HNRNPL: variants seen among roughly 807,000 people sequenced by gnomAD.
HNRNPL encodes the protein epididymis secretory sperm binding protein.
In HNRNPL, 12 loss-of-function variants were observed where a neutral mutation model predicts 64.0. That is an observed-to-expected ratio of 0.19 (90% confidence interval 0.12 to 0.30). The LOEUF (loss-of-function observed/expected upper bound fraction) is 0.30. HNRNPL is among the 10% of genes least tolerant of loss of function. The pLI is 1.00. For synonymous variants in HNRNPL, 385 were observed against 313.0 expected, an observed-to-expected ratio of 1.23 and a Z score of -2.43; for missense variants, 484 against 797.4, an observed-to-expected ratio of 0.61 and a Z score of 4.73.
upstream of HNRNPL, chr19:38,850,011 A>G: frequency 1.5e-6 from 2 of 1,300,366 alleles, no homozygotes; most frequent in Non-Finnish European, 2.0e-6. Context: ...TGGGGGAGGG[A>G]CACGCCCGTC....
rs1200837796 is a variant in HNRNPL at position 38,848,480 on chromosome 19, G to A, written c.268-1046C>T. On this transcript the variant is annotated intron_variant, in intron 1 of 12. Transcript: ENST00000221419. ...CTAAGAGAAGTATCTTACACCCACC[G>A]ACAAAAGCCTCTGGTCATCAGGAGA... Among the ~76,000 whole-genome samples the A allele has an allele frequency of 3.9e-5, 6 of 152,198 alleles. No individual in the cohort carries two copies. In the East Asian group the frequency reaches 5.8e-4, roughly 15 times the overall value.
At chr19:38,845,789 TG>T in intron 3 of HNRNPL, 54 bp from the exon 4 acceptor site, 5 of 1,597,574 alleles carry the variant, frequency 3.1e-6, no homozygotes, top group Non-Finnish European at 4.3e-6. Context: ...CAGTCTGGCT[TG>T]GGGGAGGGAA....
At chr19:38,838,622 C>A in intron 9 of HNRNPL, 24 bp from the exon 10 acceptor site, 2 of 1,605,320 alleles carry the variant, frequency 1.2e-6, no homozygotes, top group Non-Finnish European at 1.7e-6. Flanking sequence ...GAAAGGGGAG[C>A]CTTTGTCATA....
At chr19:38,850,583 GA>G (rs1388152933), upstream of HNRNPL, among the ~76,000 whole-genome samples, 3 of 152,206 alleles carry the variant, frequency 2.0e-5, no homozygotes, top group Non-Finnish European at 4.4e-5. Flanking sequence ...TGCAGTATAC[GA>G]AACGAGCGAA....
rs1972068071 is a variant in HNRNPL at position 38,840,280 on chromosome 19, C to CCCA, written c.1046_1048dup (p.Val349dup). 1 of 1,578,218 alleles carries CCCA rather than the reference C, an allele frequency of 6.3e-7. No individual in the cohort carries two copies. Among genetic ancestry groups the CCCA allele is most frequent in the Non-Finnish European group, 8.6e-7 (1 of 1,162,628 alleles). The stretch of plus-strand genomic sequence containing the variant: ...GCGACTTGGGCCCCGACGGTGACCC[C>CCCA]CCACTGGTGGACCCATCCTTCTCCC... On this transcript the variant is annotated inframe_insertion, in exon 8 of 13. Coordinates refer to ENST00000221419, the MANE Select transcript of HNRNPL (RefSeq NM_001533.3).
intron 4 of HNRNPL, 91 bp from the exon 5 acceptor site, chr19:38,844,195 CA>C: frequency 1.2e-6 from 1 of 805,866 alleles, no homozygotes. Context: ...GGTAGCACCC[CA>C]AGACTGTGGT....
chr19:38,840,958 G>A (rs990211568), intron 6 of HNRNPL: 3 of 216,744 alleles, frequency 1.4e-5, no homozygotes, highest in African/African-American at 4.7e-5. Flanking sequence ...AGTAGATTAA[G>A]AGGAAAATAA....
chr19:38,850,186 T>C, upstream of HNRNPL: 1 of 406,348 alleles, frequency 2.5e-6, no homozygotes, highest in Non-Finnish European at 4.3e-6. Flanking sequence ...TTTCTGCCAG[T>C]CTTTCCGTCG....
rs780626981 is a variant in HNRNPL at position 38,838,526 on chromosome 19, G to A, written c.1428C>T (p.Asp476=). 2 of 1,614,064 alleles carry A rather than the reference G, an allele frequency of 1.2e-6. No homozygotes were observed. The highest frequency in any genetic ancestry group is 1.7e-6 in the Non-Finnish European group (2 of 1,180,024). ...GLEDGSCSYK[D]FSESRNNRFS... ...ACCGATTGTTCCGGGATTCACTGAA[G>A]TCTTTGTAACTGCAAGACCCGTCTT... Residue 476 remains aspartate (D), a synonymous_variant, in exon 10 of 13, where the codon GAC becomes GAT. Transcript: ENST00000221419.
Position 38,838,616 on chromosome 19 carries a change from G to T in HNRNPL, c.1356-18C>A. On this transcript the variant is annotated intron_variant, in intron 9 of 12. Transcript: ENST00000221419. ...TGGAGACACTGCAGCAAGGAAGAAA[G>T]GGGAGCCTTTGTCATACCCAAAGTT... 1 of 1,610,304 alleles carries T rather than the reference G, an allele frequency of 6.2e-7. No individual in the cohort carries two copies. The highest frequency in any genetic ancestry group is 8.5e-7 in the Non-Finnish European group (1 of 1,177,358).
chr19:38,850,388 G>A (rs1972470399), upstream of HNRNPL: 2 of 172,664 alleles, frequency 1.2e-5, no homozygotes, highest in African/African-American at 2.4e-5. Context: ...CACTTCGCAA[G>A]GAGACAAGGA....
At position 38,846,515 on chromosome 19, in the gene HNRNPL, G is replaced by A. The variant is rs144374854; in HGVS notation, c.387-425C>T. 1.5e-4 allele frequency among the ~76,000 whole-genome samples: 23 copies of A among 152,318 alleles called. No homozygotes were observed. In the East Asian group the frequency reaches 3.3e-3, roughly 22 times the overall value. Reference sequence around the variant, plus strand: ...CCAGGAGCAGTAGTAGCTCATGCCTGTAACCCTAAAACTTGGGAGGGCTAG... The same window carrying A: ...CCAGGAGCAGTAGTAGCTCATGCCTATAACCCTAAAACTTGGGAGGGCTAG... On this transcript the variant is annotated intron_variant, in intron 2 of 12. Transcript: ENST00000221419.
intron 6 of HNRNPL, chr19:38,841,841 G>C: frequency 2.6e-6 from 1 of 390,954 alleles, no homozygotes. Flanking sequence ...AAATAAAGGT[G>C]TATGAAGTGG....
rs766599045 is a variant in HNRNPL at position 38,840,083 on chromosome 19, G to A, written c.1233+13C>T. ...GCTCAGCGAGGAACCCAGGGGGCCC[G>A]GCAGCAGCTCACCTTCTCCACATTG... On this transcript the variant is annotated intron_variant, in intron 8 of 12. Transcript: ENST00000221419. The A allele has an allele frequency of 7.4e-6, 12 of 1,612,962 alleles. No homozygotes were observed. In the East Asian group the frequency reaches 8.9e-5, roughly 12 times the overall value.
At chr19:38,838,731 C>CA (rs1972012297) in intron 9 of HNRNPL, 133 bp from the exon 10 acceptor site, 4 of 1,305,590 alleles carry the variant, frequency 3.1e-6, no homozygotes, top group African/African-American at 1.4e-5. Flanking sequence ...AAGGCTGACT[C>CA]ACTTTCTCCT....
Position 38,840,562 on chromosome 19 carries a change from G to T in HNRNPL, c.881-3C>A. Reference sequence around the variant, plus strand: ...GTTGGGGTTGCTGCCAGGGTCACCTGTGGAGAGAGAAAACAGTTAGGAGTC... The same window carrying T: ...GTTGGGGTTGCTGCCAGGGTCACCTTTGGAGAGAGAAAACAGTTAGGAGTC... On this transcript the variant is annotated splice_polypyrimidine_tract_variant and splice_region_variant and intron_variant, in intron 6 of 12. Coordinates refer to ENST00000221419, the MANE Select transcript of HNRNPL (RefSeq NM_001533.3). The T allele has an allele frequency of 6.3e-7, 1 of 1,580,172 alleles. No individual in the cohort carries two copies. Among genetic ancestry groups the T allele is most frequent in the Non-Finnish European group, 8.6e-7 (1 of 1,163,776 alleles).
At position 38,849,856 on chromosome 19, in the gene HNRNPL, C is replaced by T. The variant is rs774076240; in HGVS notation, c.111G>A (p.Ala37=). 4.5e-5 allele frequency: 55 copies of T among 1,217,688 alleles called. No individual in the cohort carries two copies. Among genetic ancestry groups the T allele is most frequent in the Non-Finnish European group, 6.1e-5 (53 of 865,346 alleles). The allele number at this position is 1,217,688 out of a possible 1,614,324, so 75.4% of individuals were successfully genotyped here. A position where few individuals can be genotyped will look rare whatever the true frequency, so the allele number is the denominator to read the frequency against. Residue 37 remains alanine, a synonymous_variant, in exon 1 of 13, where the codon GCG becomes GCA. Coordinates refer to ENST00000221419, the MANE Select transcript of HNRNPL (RefSeq NM_001533.3). ...RRSGAMVKMA[A]AGGGGGGGRY... ...GGCCACCGCCGCCTCCGCCGCCCGC[C>T]GCCGCCATCTTCACCATCGCTCCCG...
chr19:38,843,312 C>T (rs977277886), intron 6 of HNRNPL: 1 of 157,338 alleles, frequency 6.4e-6, no homozygotes, highest in Non-Finnish European at 1.4e-5. Context: ...GTTGCGTCCC[C>T]TCTACAAATG....
upstream of HNRNPL, chr19:38,851,013 A>G (rs1243718627): frequency 6.6e-6 from 1 of 152,398 alleles, no homozygotes; most frequent in Non-Finnish European, 1.5e-5. Context: ...GGTCCCTGCC[A>G]TCCCAGACCC....
Sources: allele counts gnomAD v4.1 joint callset (sites outside exome capture counted in the v4.1 genomes callset), GRCh38; gene constraint gnomAD v4.1.1; transcripts MANE v1.5; gene names NCBI Gene and HGNC (gene_info 2026-07-23, HGNC 2026-07-21).